The following PLXNA4 variants were observed in gnomAD, a reference collection of about 807,000 sequenced individuals.
PLXNA4 encodes the protein plexin-A4.
A neutral mutation model predicts 191.8 loss-of-function variants in PLXNA4; 44 were observed. That is an observed-to-expected ratio of 0.23 (90% CI 0.18 to 0.29). PLXNA4 has a LOEUF of 0.29. Among genes scored for constraint, PLXNA4 ranks in the 10% least tolerant of loss-of-function variants. The pLI, the probability that PLXNA4 is intolerant of heterozygous loss-of-function variation, is 1.00. For synonymous variants in PLXNA4, 1,082 were observed against 1,009.5 expected, an observed-to-expected ratio of 1.07 and a Z score of -1.36; for missense variants, 1,800 against 2,488.8, an observed-to-expected ratio of 0.72 and a Z score of 5.89.
At chr7:132,564,226 CTCCTCCTCT>C (rs1430369805) in intron 1 of PLXNA4, among the ~76,000 whole-genome samples, 2 of 136,082 alleles carry the variant, frequency 1.5e-5, no homozygotes, top group Middle Eastern at 4.4e-3. Flanking sequence ...CTTTCTCCTC[CTCCTCCTCT>C]TCCTCCTCCT....
intron 4 of PLXNA4, among the ~76,000 whole-genome samples, chr7:132,268,694 G>T (rs1291948699): frequency 6.6e-6 from 1 of 152,178 alleles, no homozygotes; most frequent in Non-Finnish European, 1.5e-5. Context: ...CAGACTGCTG[G>T]TGCCTCCAGG....
At chr7:132,323,788 G>T (rs1177948652) in intron 3 of PLXNA4, among the ~76,000 whole-genome samples, 1 of 152,168 alleles carries the variant, frequency 6.6e-6, no homozygotes, top group African/African-American at 2.4e-5. Context: ...AGACTTGCAG[G>T]TTTGATTTTT....
chr7:132,513,660 T>TTTTTGTTTTGTTTTGTTTTG (rs141114304), intron 1 of PLXNA4, among the ~76,000 whole-genome samples: 38,086 of 150,578 alleles, frequency 0.25, 5,072 homozygotes, highest in South Asian at 0.29. Context: ...TTTGTTTTAG[T>TTTTTGTTTTGTTTTGTTTTG]TTTTGTTTTG....
chr7:132,275,650 G>T (rs1238282408), intron 4 of PLXNA4, among the ~76,000 whole-genome samples: 8 of 152,092 alleles, frequency 5.3e-5, no homozygotes, highest in Admixed American at 5.2e-4. Flanking sequence ...AAACAAAGGG[G>T]CAAGGGACCT....
At chr7:132,639,217 G>C (rs1334343081) in intron 2 of PLXNA4, among the ~76,000 whole-genome samples, 1 of 152,206 alleles carries the variant, frequency 6.6e-6, no homozygotes, top group East Asian at 1.9e-4. Context: ...CCCAGATCCA[G>C]GGCTTCTCAT....
chr7:132,302,435 G>A (rs1801343571), intron 3 of PLXNA4, among the ~76,000 whole-genome samples: 1 of 152,080 alleles, frequency 6.6e-6, no homozygotes, highest in Non-Finnish European at 1.5e-5. Flanking sequence ...TGCTTAGTAA[G>A]TAATTACTGA....
At chr7:132,275,298 C>T (rs1330880035) in intron 4 of PLXNA4, among the ~76,000 whole-genome samples, 2 of 152,088 alleles carry the variant, frequency 1.3e-5, no homozygotes, top group African/African-American at 2.4e-5. Flanking sequence ...ACCCTATACC[C>T]AGCTTCCCCC....
chr7:132,456,848 A>G (rs1796334175), intron 3 of PLXNA4, among the ~76,000 whole-genome samples: 1 of 152,192 alleles, frequency 6.6e-6, no homozygotes, highest in Non-Finnish European at 1.5e-5. Flanking sequence ...CTACATCCCC[A>G]TAGAGATAAC....
At chr7:132,613,222 G>T (rs771695980) in intron 2 of PLXNA4, among the ~76,000 whole-genome samples, 3 of 152,000 alleles carry the variant, frequency 2.0e-5, no homozygotes, top group Non-Finnish European at 2.9e-5. Flanking sequence ...TTTCCAACTC[G>T]GGATCTTCTC....
At chr7:132,544,592 G>A (rs952296461) in intron 1 of PLXNA4, among the ~76,000 whole-genome samples, 9 of 151,944 alleles carry the variant, frequency 5.9e-5, no homozygotes, top group Non-Finnish European at 8.8e-5. Flanking sequence ...GATCCATGGG[G>A]GCTTCTAGGA....
intron 3 of PLXNA4, among the ~76,000 whole-genome samples, chr7:132,483,535 C>G (rs1797421667): frequency 1.3e-5 from 2 of 152,196 alleles, no homozygotes; most frequent in Admixed American, 1.3e-4. Flanking sequence ...TTGCATGTGT[C>G]ACTGGATAAA....
intron 18 of PLXNA4, 118 bp downstream of exon 18, chr7:132,181,263 G>A: frequency 1.3e-6 from 2 of 1,522,302 alleles, no homozygotes; most frequent in Non-Finnish European, 8.9e-7. Context: ...GGGCTACACT[G>A]CAACCTCTGC....
At chr7:132,278,260 G>A (rs75332100) in intron 4 of PLXNA4, among the ~76,000 whole-genome samples, 1,660 of 152,200 alleles carry the variant, frequency 0.011, 24 homozygotes, top group African/African-American at 0.037. Flanking sequence ...CTTTTTGCAC[G>A]GCGCCAGGCT....
intron 3 of PLXNA4, among the ~76,000 whole-genome samples, chr7:132,469,172 AT>A (rs2117404841): frequency 6.6e-6 from 1 of 151,422 alleles, no homozygotes; most frequent in Non-Finnish European, 1.5e-5. Flanking sequence ...AGAAAAAAGT[AT>A]TTTAGATCCA....
At chr7:132,535,820 C>A (rs1275509580) in intron 1 of PLXNA4, among the ~76,000 whole-genome samples, 1 of 152,194 alleles carries the variant, frequency 6.6e-6, no homozygotes, top group Non-Finnish European at 1.5e-5. Flanking sequence ...AGAGAACTTG[C>A]CACAGGCCAG....
At chr7:132,195,805 T>C (rs1165845813) in intron 13 of PLXNA4, among the ~76,000 whole-genome samples, 1 of 152,236 alleles carries the variant, frequency 6.6e-6, no homozygotes, top group Non-Finnish European at 1.5e-5. Flanking sequence ...CTGTTATAAA[T>C]ATTGCAATGA....
At chr7:132,430,272 C>T (rs1033844270) in intron 3 of PLXNA4, among the ~76,000 whole-genome samples, 3 of 152,076 alleles carry the variant, frequency 2.0e-5, no homozygotes, top group Admixed American at 6.6e-5. Flanking sequence ...AGTCTCTATG[C>T]GGTTAGTACC....
In PLXNA4 at chr7:132,551,504, G is replaced by A. The variant is rs77373248; in HGVS notation, c.-87+24918C>T. On this transcript the variant is annotated intron_variant, in intron 1 of 31. Coordinates refer to ENST00000321063, the MANE Select transcript of PLXNA4 (RefSeq NM_020911.2). ...CACAAACCTTTCATTACAAAATGCC[G>A]GTCGTGTCCTACAGCCAGAGTAGTG... is the stretch of plus-strand genomic sequence containing the variant. 9.9e-3 allele frequency among the ~76,000 whole-genome samples: 1,501 copies of A among 152,156 alleles called. 23 individuals are homozygous for A. Among genetic ancestry groups the A allele is most frequent in the African/African-American group, 0.034 (1,426 of 41,492 alleles).
chr7:132,297,941 A>G, intron 4 of PLXNA4, 150 bp downstream of exon 4: 1 of 939,668 alleles, frequency 1.1e-6, no homozygotes, highest in Non-Finnish European at 1.6e-6. Context: ...GTCCCCAGGC[A>G]GCATAACTGA....
Sources: gnomAD v4.1 joint callset for allele counts (sites outside exome capture counted in the v4.1 genomes callset) on GRCh38, gnomAD v4.1.1 for gene constraint, MANE v1.5 for transcripts, NCBI Gene and HGNC (gene_info 2026-07-23, HGNC 2026-07-21) for gene names.